The following ARHGAP6 variants were observed in gnomAD, a reference collection of about 807,000 sequenced individuals.
The protein encoded by ARHGAP6 is rho GTPase-activating protein 6.
A neutral mutation model predicts 55.7 loss-of-function variants in ARHGAP6; 16 were observed. The observed-to-expected ratio is 0.29, with a 90% CI of 0.19 to 0.44. ARHGAP6 has a LOEUF of 0.44. Among genes scored for constraint, ARHGAP6 ranks in the 20% least tolerant of loss-of-function variants. The pLI is 1.00. For synonymous variants in ARHGAP6, 382 were observed against 360.9 expected, an observed-to-expected ratio of 1.06 and a Z score of -0.66; for missense variants, 698 against 808.9, an observed-to-expected ratio of 0.86 and a Z score of 1.66.
intron 1 of ARHGAP6, among the ~76,000 whole-genome samples, chrX:11,591,910 T>G (rs767411738): frequency 5.4e-5 from 6 of 112,116 alleles, no homozygotes; most frequent in Non-Finnish European, 7.5e-5. Context: ...ATAGTATGAT[T>G]CATTTCCTGT....
At chrX:11,516,294 C>A (rs746407495) in intron 1 of ARHGAP6, among the ~76,000 whole-genome samples, 1 of 111,933 alleles carries the variant, frequency 8.9e-6, no homozygotes, top group South Asian at 3.7e-4. Flanking sequence ...TTTAAGTGTA[C>A]AGTTCAGTAG....
intron 5 of ARHGAP6, among the ~76,000 whole-genome samples, chrX:11,182,335 C>T (rs1266878315): frequency 8.9e-6 from 1 of 111,950 alleles, no homozygotes; most frequent in Non-Finnish European, 1.9e-5. Context: ...TTAAATGTTT[C>T]TGATCAAATA....
intron 2 of ARHGAP6, among the ~76,000 whole-genome samples, chrX:11,218,719 A>G (rs1033322710): frequency 1.8e-5 from 2 of 111,141 alleles, no homozygotes; most frequent in African/African-American, 6.6e-5. Context: ...GAATTTATCC[A>G]TTTCTTCTAG....
chrX:11,450,203 A>AGTGT (rs34050296), intron 1 of ARHGAP6, among the ~76,000 whole-genome samples: 2,696 of 90,131 alleles, frequency 0.03, 32 homozygotes, highest in East Asian at 0.061. Context: ...ACAAATAATA[A>AGTGT]GTGTGTGTGT....
At chrX:11,596,736 T>C (rs1403509143) in intron 1 of ARHGAP6, among the ~76,000 whole-genome samples, 1 of 111,312 alleles carries the variant, frequency 9.0e-6, no homozygotes, top group Non-Finnish European at 1.9e-5. Flanking sequence ...TGGCCTCTTC[T>C]AAATTCTCTG....
intron 1 of ARHGAP6, among the ~76,000 whole-genome samples, chrX:11,637,003 T>A (rs5979445): frequency 9.0e-6 from 1 of 110,942 alleles, no homozygotes; most frequent in Non-Finnish European, 1.9e-5. Context: ...TTTCACTTTG[T>A]GCAAAGTGAA....
intron 1 of ARHGAP6, among the ~76,000 whole-genome samples, chrX:11,548,909 G>A (rs1025415844): frequency 5.2e-4 from 58 of 111,914 alleles, no homozygotes; most frequent in African/African-American, 1.6e-3. Context: ...GTGCCCAGCC[G>A]GCTGAAAAGC....
chrX:11,377,744 T>C (rs929902247), intron 1 of ARHGAP6, among the ~76,000 whole-genome samples: 42 of 111,374 alleles, frequency 3.8e-4, no homozygotes, highest in African/African-American at 1.4e-3. Flanking sequence ...CAAATGAGGC[T>C]GAGGGTTTAC....
chrX:11,415,092 A>T (rs953433330), intron 1 of ARHGAP6, among the ~76,000 whole-genome samples: 1 of 112,198 alleles, frequency 8.9e-6, no homozygotes, highest in Admixed American at 9.5e-5. Context: ...GCCATTCCAC[A>T]ATGCATACAT....
chrX:11,644,510 A>C (rs1270620476), intron 1 of ARHGAP6, among the ~76,000 whole-genome samples: 1 of 111,175 alleles, frequency 9.0e-6, no homozygotes, highest in African/African-American at 3.3e-5. Context: ...GATTTTTAAA[A>C]AATGGGCAAA....
chrX:11,200,552 T>A (rs2046605499), intron 2 of ARHGAP6, among the ~76,000 whole-genome samples: 1 of 112,237 alleles, frequency 8.9e-6, no homozygotes, highest in Admixed American at 9.4e-5. Context: ...CAAGAAAACA[T>A]GAGATTGCTC....
intron 1 of ARHGAP6, among the ~76,000 whole-genome samples, chrX:11,526,039 T>C (rs1292902647): frequency 8.9e-6 from 1 of 112,006 alleles, no homozygotes; most frequent in Non-Finnish European, 1.9e-5. Flanking sequence ...AGTCCATTTC[T>C]TAACATTGAG....
chrX:11,431,265 C>T (rs146302064), intron 1 of ARHGAP6, among the ~76,000 whole-genome samples: 134 of 112,372 alleles, frequency 1.2e-3, no homozygotes, highest in African/African-American at 3.9e-3. Context: ...TAAGAGAAAA[C>T]GTGCCCTGCT....
chrX:11,192,077 C>T (rs963962785), intron 3 of ARHGAP6, among the ~76,000 whole-genome samples: 2 of 111,650 alleles, frequency 1.8e-5, no homozygotes, highest in African/African-American at 3.3e-5. Context: ...CTAGCTCAGA[C>T]CCCTTCCTTG....
In ARHGAP6 at chrX:11,428,857, G is replaced by A. The variant is rs2049916227; in HGVS notation, c.589-174150C>T. ...TGGGAATGTGAAGCCAGGGGTGCAA[G>A]TGGCCTGAGGAATCTACCATTAGAT... On this transcript the variant is annotated intron_variant, in intron 1 of 12. Transcript: ENST00000337414. 2.7e-5 allele frequency among the ~76,000 whole-genome samples: 3 copies of A among 112,058 alleles called. No homozygotes were observed. In the South Asian group the frequency reaches 1.1e-3, roughly 43 times the overall value.
intron 1 of ARHGAP6, among the ~76,000 whole-genome samples, chrX:11,404,697 G>C (rs888144361): frequency 9.0e-6 from 1 of 111,281 alleles, no homozygotes; most frequent in African/African-American, 3.3e-5. Flanking sequence ...CAGGAAGGAA[G>C]AATATCTCCA....
At chrX:11,366,023 T>C (rs2049072564) in intron 1 of ARHGAP6, among the ~76,000 whole-genome samples, 1 of 111,773 alleles carries the variant, frequency 8.9e-6, no homozygotes, top group African/African-American at 3.3e-5. Context: ...GTCTGGTCTC[T>C]TCCTCTTCTT....
chrX:11,262,525 C>G (rs908573021), intron 1 of ARHGAP6, among the ~76,000 whole-genome samples: 8 of 111,761 alleles, frequency 7.2e-5, no homozygotes, highest in African/African-American at 2.6e-4. Context: ...TGCAGCATCT[C>G]TTTAATCTCA....
At chrX:11,486,930 AG>A (rs926909658) in intron 1 of ARHGAP6, among the ~76,000 whole-genome samples, 1 of 111,816 alleles carries the variant, frequency 8.9e-6, no homozygotes, top group Non-Finnish European at 1.9e-5. Context: ...AGGTGAGCAA[AG>A]CATCCGTGTA....
Sources: gnomAD v4.1 joint callset for allele counts (sites outside exome capture counted in the v4.1 genomes callset) on GRCh38, gnomAD v4.1.1 for gene constraint, MANE v1.5 for transcripts, NCBI Gene and HGNC (gene_info 2026-07-23, HGNC 2026-07-21) for gene names.